The following UGT2B7 variants were observed in gnomAD, a reference collection of about 807,000 sequenced individuals.
UGT2B7 encodes UDP glucuronosyltransferase family 2 member B7.
A neutral mutation model predicts 51.9 loss-of-function variants in UGT2B7; 51 were observed. That is an observed-to-expected ratio of 0.98 (90% CI 0.78 to 1.24). UGT2B7 has a LOEUF of 1.24. Among genes scored for constraint, UGT2B7 ranks in the 50% most tolerant of loss-of-function variants. The pLI is 0.00. For synonymous variants in UGT2B7, 225 were observed against 211.6 expected (o/e 1.06, Z -0.55); for missense variants, 727 against 628.4 (o/e 1.16, Z -1.68).
chr4:69,052,486 G>A (rs1718049702), intron 1 of UGT2B7, among the ~76,000 whole-genome samples: 1 of 142,368 alleles, frequency 7.0e-6, no homozygotes, highest in South Asian at 2.3e-4. Flanking sequence ...ACATATTATG[G>A]TAAATTCTAA....
intron 3 of UGT2B7, among the ~76,000 whole-genome samples, chr4:69,105,372 A>T (rs1055526282): frequency 1.3e-5 from 2 of 152,232 alleles, no homozygotes; most frequent in Non-Finnish European, 2.9e-5. Flanking sequence ...GACCTCTTCC[A>T]ACTTTTGCTG....
upstream of UGT2B7, among the ~76,000 whole-genome samples, chr4:69,095,444 C>A (rs868811021): frequency 6.6e-6 from 1 of 152,170 alleles, no homozygotes; most frequent in South Asian, 2.1e-4. Flanking sequence ...TCCTTCAGAC[C>A]AGCCGAGTCA....
At chr4:69,101,358 T>C (rs1003062285) in intron 2 of UGT2B7, among the ~76,000 whole-genome samples, 10 of 152,056 alleles carry the variant, frequency 6.6e-5, no homozygotes, top group Non-Finnish European at 8.8e-5. Context: ...ATTTTTTTCA[T>C]GCTTTTATAA....
At chr4:69,064,994 A>G (rs926629515) in intron 1 of UGT2B7, among the ~76,000 whole-genome samples, 4 of 152,158 alleles carry the variant, frequency 2.6e-5, no homozygotes, top group Non-Finnish European at 5.9e-5. Flanking sequence ...CTGCCATTCA[A>G]TTCTATTATT....
chr4:69,063,244 G>A (rs974694143), intron 1 of UGT2B7, among the ~76,000 whole-genome samples: 3 of 145,680 alleles, frequency 2.1e-5, no homozygotes, highest in Non-Finnish European at 3.0e-5. Flanking sequence ...GCGTGAACCC[G>A]GAAGGCGGAG....
chr4:69,080,547 C>A (rs1312923143), intron 1 of UGT2B7, among the ~76,000 whole-genome samples: 85 of 132,910 alleles, frequency 6.4e-4, no homozygotes, highest in Admixed American at 9.0e-4. Flanking sequence ...GACTCCGTCT[C>A]AAAAAAAAAA....
intron 3 of UGT2B7, among the ~76,000 whole-genome samples, chr4:69,106,520 A>C (rs1466223097): frequency 6.6e-6 from 1 of 152,118 alleles, no homozygotes; most frequent in Non-Finnish European, 1.5e-5. Flanking sequence ...ATTTAGGTTG[A>C]TTCCATGTCG....
rs754723956 is a variant in UGT2B7 at position 69,064,112 on chromosome 4, A to AAGAAAGAAAGAAAGAAAGAAAGAAAGAG, written c.-159+12511_-159+12512insGAAAGAAAGAAAGAAAGAAAGAAAGAGA. ...AGAAAGAAAGAGAAAGAAAGAAAGA[A>AAGAAAGAAAGAAAGAAAGAAAGAAAGAG]AAAGAAAGAAAGAAAGAAAGAAAGA... On this transcript the variant is annotated intron_variant, in intron 1 of 5. Transcript: ENST00000502942. 5.8e-5 allele frequency among the ~76,000 whole-genome samples: 5 copies of AAGAAAGAAAGAAAGAAAGAAAGAAAGAG among 86,802 alleles called. 1 individual carries two copies. Among genetic ancestry groups the AAGAAAGAAAGAAAGAAAGAAAGAAAGAG allele is most frequent in the African/African-American group, 3.0e-4 (5 of 16,434 alleles). The allele number at this position is 86,802 out of a possible 152,430, so 56.9% of individuals were successfully genotyped here. A position where few individuals can be genotyped will look rare whatever the true frequency, so the allele number is the denominator to read the frequency against.
chr4:69,083,570 T>C (rs1445893690), intron 1 of UGT2B7, among the ~76,000 whole-genome samples: 1 of 152,128 alleles, frequency 6.6e-6, no homozygotes, highest in Non-Finnish European at 1.5e-5. Context: ...TTCATCAATG[T>C]TTTATCATTT....
chr4:69,060,942 A>T (rs1048028063), intron 1 of UGT2B7, among the ~76,000 whole-genome samples: 3 of 152,132 alleles, frequency 2.0e-5, no homozygotes, highest in Admixed American at 2.0e-4. Flanking sequence ...TTCATTGCTG[A>T]GTGGATGTGG....
intron 3 of UGT2B7, among the ~76,000 whole-genome samples, chr4:69,103,544 T>G (rs1206500030): frequency 6.6e-6 from 1 of 152,214 alleles, no homozygotes; most frequent in Non-Finnish European, 1.5e-5. Context: ...TTCAGTTAAG[T>G]GAAAATGGTG....
At chr4:69,098,409 A>G in intron 1 of UGT2B7, 131 bp from the exon 2 acceptor site, 2 of 962,462 alleles carry the variant, frequency 2.1e-6, no homozygotes, top group Admixed American at 6.6e-5. Context: ...CTATATATGA[A>G]TATGTGTATA....
At position 69,112,549 on chromosome 4, in the gene UGT2B7, T is replaced by G; in HGVS notation, c.1403T>G (p.Met468Arg). The change falls in exon 6 of 6, where the codon ATG (methionine) becomes AGG (arginine). Residue 468 changes from methionine (M) to arginine (R), a missense_variant. Physicochemically the swap from Met to Arg is moderately conservative, Grantham distance 91 (BLOSUM62 -1). Transcript: ENST00000305231. ...DRAVFWIEFV[M>R]RHKGAKHLRV... ...GCAGTCTTCTGGATTGAATTTGTCA[T>G]GCGCCACAAAGGAGCTAAACACCTT... 1 of 1,613,972 alleles carries G rather than the reference T, an allele frequency of 6.2e-7. No individual in the cohort carries two copies. Among genetic ancestry groups the G allele is most frequent in the Non-Finnish European group, 8.5e-7 (1 of 1,179,864 alleles).
chr4:69,100,429 T>A (rs928957935), intron 2 of UGT2B7, among the ~76,000 whole-genome samples: 4 of 152,118 alleles, frequency 2.6e-5, no homozygotes, highest in African/African-American at 9.7e-5. Flanking sequence ...TACGTTATTA[T>A]TTAATCTCTT....
At chr4:69,063,337 A>AAAAAAAAAAAG (rs1718401274) in intron 1 of UGT2B7, among the ~76,000 whole-genome samples, 2 of 151,110 alleles carry the variant, frequency 1.3e-5, no homozygotes, top group South Asian at 2.1e-4. Context: ...AAAAAAAAAA[A>AAAAAAAAAAAG]AAGAAACACA....
At chr4:69,098,770 T>G in intron 2 of UGT2B7, 82 bp downstream of exon 2, 1 of 1,570,094 alleles carries the variant, frequency 6.4e-7, no homozygotes, top group Non-Finnish European at 8.6e-7. Context: ...TCAGAGTGTT[T>G]GACTTACACT....
At chr4:69,110,617 T>TA (rs1186322009) in intron 5 of UGT2B7, among the ~76,000 whole-genome samples, 1 of 151,940 alleles carries the variant, frequency 6.6e-6, no homozygotes, top group African/African-American at 2.4e-5. Context: ...ACTGCTACAT[T>TA]AAAAAAAGAC....
In UGT2B7 at chr4:69,107,252, T is replaced by C. The variant is rs1256285254; in HGVS notation, c.1080T>C (p.Asn360=). The part of the protein sequence containing the change: ...NTRLYKWIPQ[N]DLLGHPKTRA... Reference sequence around the variant, plus strand: ...GGCTCTACAAGTGGATACCCCAGAATGACCTTCTAGGTAAGACTCTGGTGA... The same window carrying C: ...GGCTCTACAAGTGGATACCCCAGAACGACCTTCTAGGTAAGACTCTGGTGA... Residue 360 remains asparagine (N), a synonymous_variant, in exon 4 of 6, where the codon AAT becomes AAC. Coordinates refer to ENST00000305231, the MANE Select transcript of UGT2B7 (RefSeq NM_001074.4). 4.4e-6 allele frequency: 7 copies of C among 1,607,834 alleles called. No homozygotes were observed. The highest frequency in any genetic ancestry group is 6.0e-6 in the Non-Finnish European group (7 of 1,176,274).
chr4:69,095,408 T>C (rs558041978), upstream of UGT2B7, among the ~76,000 whole-genome samples: 1 of 152,324 alleles, frequency 6.6e-6, no homozygotes, highest in African/African-American at 2.4e-5. Flanking sequence ...CAGTGAAGTC[T>C]TTCAGATCAG....
Sources: allele counts gnomAD v4.1 joint callset (sites outside exome capture counted in the v4.1 genomes callset), GRCh38; gene constraint gnomAD v4.1.1; transcripts MANE v1.5; gene names NCBI Gene and HGNC (gene_info 2026-07-23, HGNC 2026-07-21).